Variants in PALM2AKAP2 observed in about 807,000 individuals in gnomAD.
PALM2AKAP2 encodes the protein PALM2 and AKAP2 fusion.
PALM2AKAP2 carries 37 observed loss-of-function variants against 71.5 expected under a neutral mutation model. The observed-to-expected ratio is 0.52, with a 90% confidence interval of 0.40 to 0.68. PALM2AKAP2 has a LOEUF of 0.68. PALM2AKAP2 is among the 30% of genes least tolerant of loss of function. PALM2AKAP2 has a pLI of 0.00. For missense variants in PALM2AKAP2, 1,224 were observed against 1,191.8 expected, an observed-to-expected ratio of 1.03 and a Z score of -0.40; for synonymous variants, 468 against 478.8, an observed-to-expected ratio of 0.98 and a Z score of 0.29.
At chr9:110,026,269 G>A (rs761716546) in intron 7 of PALM2AKAP2, among the ~76,000 whole-genome samples, 1 of 151,910 alleles carries the variant, frequency 6.6e-6, no homozygotes, top group Non-Finnish European at 1.5e-5. Flanking sequence ...TGTAGAGAAG[G>A]AGGACTCCCT....
At chr9:109,954,967 C>A (rs1831719903) in intron 6 of PALM2AKAP2, among the ~76,000 whole-genome samples, 1 of 152,088 alleles carries the variant, frequency 6.6e-6, no homozygotes, top group Admixed American at 6.5e-5. Context: ...GAGCCATATT[C>A]CGTTGTTCAT....
chr9:110,151,703 T>C (rs1836319108), intron 2 of PALM2AKAP2, among the ~76,000 whole-genome samples: 1 of 152,224 alleles, frequency 6.6e-6, no homozygotes, highest in Non-Finnish European at 1.5e-5. Flanking sequence ...GATGGAATAG[T>C]TTGAATATGA....
intron 6 of PALM2AKAP2, among the ~76,000 whole-genome samples, chr9:109,969,113 C>CACACACACACACA (rs56263304): frequency 1.3e-5 from 2 of 151,694 alleles, no homozygotes; most frequent in Non-Finnish European, 2.9e-5. Context: ...CACACACACA[C>CACACACACACACA]GACTCCCAGA....
chr9:109,717,939 G>A (rs186144949), intron 1 of PALM2AKAP2, among the ~76,000 whole-genome samples: 3 of 152,304 alleles, frequency 2.0e-5, no homozygotes, highest in Admixed American at 2.0e-4. Flanking sequence ...GAGATATGTG[G>A]AAAGAGAGAG....
chr9:110,160,229 A>G (rs1836562708), intron 3 of PALM2AKAP2, among the ~76,000 whole-genome samples: 1 of 152,204 alleles, frequency 6.6e-6, no homozygotes, highest in African/African-American at 2.4e-5. Context: ...GGGCTTTAGT[A>G]CCATTCATCC....
At chr9:109,785,825 G>A (rs1249757068) in intron 1 of PALM2AKAP2, among the ~76,000 whole-genome samples, 23 of 152,242 alleles carry the variant, frequency 1.5e-4, no homozygotes, top group Admixed American at 1.5e-3. Flanking sequence ...GGTACATCCA[G>A]CCTTGGAAGG....
chr9:109,883,546 C>T (rs1203130420), intron 3 of PALM2AKAP2, among the ~76,000 whole-genome samples: 8 of 152,198 alleles, frequency 5.3e-5, no homozygotes, highest in African/African-American at 1.7e-4. Flanking sequence ...TTCTGCTTCT[C>T]TTCATCTTGC....
At position 110,049,893 on chromosome 9, in the gene PALM2AKAP2, G is replaced by A. The variant is rs376565656; in HGVS notation, c.156+1038G>A. On this transcript the variant is annotated intron_variant, in intron 1 of 3. Coordinates refer to ENST00000374525, the Ensembl canonical transcript of PALM2AKAP2. ...GGCTGCCGAGCTCTCCAACGCGGAT[G>A]CCAGGCGCTCGCCAGCCTGAGGGAT... Among the ~76,000 whole-genome samples the A allele has an allele frequency of 7.9e-4, 121 of 152,334 alleles. 1 individual carries two copies. Among genetic ancestry groups the A allele is most frequent in the African/African-American group, 2.6e-3 (109 of 41,580 alleles).
intron 6 of PALM2AKAP2, among the ~76,000 whole-genome samples, chr9:109,985,056 G>T (rs929670027): frequency 6.6e-6 from 1 of 151,800 alleles, no homozygotes; most frequent in Non-Finnish European, 1.5e-5. Context: ...CACGCCTGCA[G>T]TCCCAGCTAC....
At chr9:109,995,227 T>C (rs1212016177) in intron 6 of PALM2AKAP2, among the ~76,000 whole-genome samples, 1 of 152,084 alleles carries the variant, frequency 6.6e-6, no homozygotes, top group African/African-American at 2.4e-5. Context: ...AAATGGAACA[T>C]CCTGGCCACC....
At chr9:109,765,021 G>A (rs764839634) in intron 1 of PALM2AKAP2, among the ~76,000 whole-genome samples, 1 of 152,204 alleles carries the variant, frequency 6.6e-6, no homozygotes. Context: ...GATGCCAAAA[G>A]TAACTGCTGA....
intron 7 of PALM2AKAP2, among the ~76,000 whole-genome samples, chr9:110,016,550 G>T (rs1275182990): frequency 6.6e-6 from 1 of 152,134 alleles, no homozygotes; most frequent in African/African-American, 2.4e-5. Flanking sequence ...AACACTAATG[G>T]CCAAAGGTTT....
At chr9:110,077,969 G>A (rs1288622634) in intron 1 of PALM2AKAP2, among the ~76,000 whole-genome samples, 2 of 150,848 alleles carry the variant, frequency 1.3e-5, no homozygotes, top group Non-Finnish European at 2.9e-5. Context: ...AGCCGAGATC[G>A]CGCTACTGCA....
chr9:109,759,335 T>A (rs2025877), intron 1 of PALM2AKAP2, among the ~76,000 whole-genome samples: 3,534 of 152,214 alleles, frequency 0.023, 141 homozygotes, highest in African/African-American at 0.08. Flanking sequence ...AATGGTAGAA[T>A]GTTTTGTAAG....
At position 109,767,308 on chromosome 9, in the gene PALM2AKAP2, C is replaced by T. The variant is rs191430510; in HGVS notation, c.6-13180C>T. On this transcript the variant is annotated intron_variant, in intron 1 of 6. Transcript: ENST00000374531. ...GTCCAAACATTAGTTCCATCAGGGC[C>T]GCCCCACCGGCCTGTGCCCACCCTA... Among the ~76,000 whole-genome samples, 325 of 152,236 alleles carry T rather than the reference C, an allele frequency of 2.1e-3. 3 individuals are homozygous for T. The highest frequency in any genetic ancestry group is 0.014 in the Middle Eastern group (4 of 294).
intron 3 of PALM2AKAP2, among the ~76,000 whole-genome samples, 166 bp downstream of exon 10, chr9:110,162,298 G>T (rs985808862): frequency 6.6e-6 from 1 of 152,114 alleles, no homozygotes; most frequent in Non-Finnish European, 1.5e-5. Context: ...GCCTCGAAAT[G>T]TTGGAGTCCA....
intron 1 of PALM2AKAP2, among the ~76,000 whole-genome samples, chr9:109,643,995 G>T (rs1827111537): frequency 1.5e-5 from 2 of 130,970 alleles, no homozygotes; most frequent in South Asian, 2.5e-4. Context: ...AAGAGCAAGG[G>T]GTGGCGGGGG....
At chr9:109,850,902 G>A (rs1438062898) in intron 1 of PALM2AKAP2, among the ~76,000 whole-genome samples, 1 of 152,112 alleles carries the variant, frequency 6.6e-6, no homozygotes, top group African/African-American at 2.4e-5. Flanking sequence ...TAGTGGCCGG[G>A]CGTGGTGGCT....
intron 1 of PALM2AKAP2, among the ~76,000 whole-genome samples, chr9:109,660,313 A>C (rs893163654): frequency 6.6e-6 from 1 of 152,132 alleles, no homozygotes; most frequent in African/African-American, 2.4e-5. Context: ...CATCATTTAC[A>C]TTAGGTATTT....
Sources: allele counts gnomAD v4.1 joint callset (sites outside exome capture counted in the v4.1 genomes callset), GRCh38; gene constraint gnomAD v4.1.1; transcripts MANE v1.5; gene names NCBI Gene and HGNC (gene_info 2026-07-23, HGNC 2026-07-21).